The following FARS2 variants were observed in gnomAD, a reference collection of about 807,000 sequenced individuals.
The protein encoded by FARS2 is phenylalanine--tRNA ligase, mitochondrial.
In FARS2, 40 loss-of-function variants were observed where a neutral mutation model predicts 46.4. The observed-to-expected ratio is 0.86, with a 90% CI of 0.67 to 1.12. The LOEUF is 1.12. FARS2 is among the 50% of genes most tolerant of loss of function. FARS2 has a pLI of 0.00. For synonymous variants in FARS2, 234 were observed against 214.9 expected (o/e 1.09, Z -0.78); for missense variants, 513 against 567.9 (o/e 0.90, Z 0.98).
At chr6:5,381,958 G>A (rs1759823896) in intron 2 of FARS2, among the ~76,000 whole-genome samples, 2 of 152,198 alleles carry the variant, frequency 1.3e-5, no homozygotes, top group African/African-American at 4.8e-5. Context: ...CAAAGAGCTG[G>A]TTTCTGTTTA....
chr6:5,719,386 CA>C lies in FARS2; in HGVS notation c.1218-51897del, dbSNP rs1199329165. Among the ~76,000 whole-genome samples the C allele has an allele frequency of 3.0e-4, 4 of 13,208 alleles. No homozygotes were observed. In the East Asian group the frequency reaches 3.7e-3, roughly 12 times the overall value. The allele number at this position is 13,208 out of a possible 152,430, so 8.7% of individuals were successfully genotyped here. A position where few individuals can be genotyped will look rare whatever the true frequency, so the allele number is the denominator to read the frequency against. On this transcript the variant is annotated intron_variant, in intron 6 of 6. Coordinates refer to ENST00000274680, the MANE Select transcript of FARS2 (RefSeq NM_006567.5). ...GACAGAGTGAGGCAAGACCCTGTCT[CA>C]AAAAAAATTAAAAAAAAAAAAAAAG...
intron 5 of FARS2, among the ~76,000 whole-genome samples, chr6:5,586,238 C>T (rs975100311): frequency 1.3e-5 from 2 of 152,062 alleles, no homozygotes; most frequent in African/African-American, 2.4e-5. Flanking sequence ...TGGCTAGCAC[C>T]TCTAGTATTA....
chr6:5,604,401 G>A (rs1774710269), intron 5 of FARS2, among the ~76,000 whole-genome samples: 1 of 152,146 alleles, frequency 6.6e-6, no homozygotes, highest in Non-Finnish European at 1.5e-5. Context: ...AAACTCTGAG[G>A]CAGAGATGAA....
In FARS2 at chr6:5,758,797, C is replaced by T. The variant is rs549827983; in HGVS notation, c.1218-12494C>T. 7.5e-4 allele frequency among the ~76,000 whole-genome samples: 114 copies of T among 152,198 alleles called. 1 individual carries two copies. The highest frequency in any genetic ancestry group is 1.4e-3 in the Non-Finnish European group (94 of 68,022). ...AAAATGGAGTCAATTTAAAGTTGCC[C>T]CCTGAGCCTTAGGGGTTCTGAGGAG... On this transcript the variant is annotated intron_variant, in intron 6 of 6. Transcript: ENST00000274680.
intron 4 of FARS2, among the ~76,000 whole-genome samples, chr6:5,529,348 G>T (rs1477283798): frequency 1.3e-5 from 2 of 151,946 alleles, no homozygotes; most frequent in South Asian, 4.2e-4. Context: ...TCACTCTGTC[G>T]CCTGGCTGCA....
At chr6:5,559,244 C>G (rs1425796881) in intron 5 of FARS2, among the ~76,000 whole-genome samples, 1 of 151,820 alleles carries the variant, frequency 6.6e-6, no homozygotes, top group Non-Finnish European at 1.5e-5. Context: ...CTTTACAGAG[C>G]AAATAAAAAT....
chr6:5,410,149 G>GTTTTTTTTTTTTTTTT (rs1171325752), intron 3 of FARS2, among the ~76,000 whole-genome samples: 2 of 120,538 alleles, frequency 1.7e-5, no homozygotes, highest in African/African-American at 3.5e-5. Context: ...TCGTTTTTGT[G>GTTTTTTTTTTTTTTTT]TTTTTTTGTT....
chr6:5,748,668 A>G (rs1041760906), intron 6 of FARS2, among the ~76,000 whole-genome samples: 7 of 152,266 alleles, frequency 4.6e-5, no homozygotes, highest in African/African-American at 1.7e-4. Flanking sequence ...TCAAAGACAC[A>G]CTACTAGTCA....
intron 1 of FARS2, among the ~76,000 whole-genome samples, chr6:5,309,140 A>G (rs1168416417): frequency 6.6e-6 from 1 of 152,212 alleles, no homozygotes; most frequent in Non-Finnish European, 1.5e-5. Flanking sequence ...TGTACAAGAT[A>G]AACAGTGGGA....
At chr6:5,649,558 C>G (rs1191047411) in intron 6 of FARS2, among the ~76,000 whole-genome samples, 1 of 152,204 alleles carries the variant, frequency 6.6e-6, no homozygotes, top group Admixed American at 6.5e-5. Context: ...GGTGTTCGCC[C>G]TACCTGGCAC....
chr6:5,278,532 C>T (rs2127846771), intron 1 of FARS2, among the ~76,000 whole-genome samples: 1 of 152,150 alleles, frequency 6.6e-6, no homozygotes, highest in African/African-American at 2.4e-5. Context: ...TGAAAGAAGC[C>T]TTATTTTTAT....
intron 4 of FARS2, among the ~76,000 whole-genome samples, chr6:5,502,524 A>G (rs1226175769): frequency 6.6e-6 from 1 of 152,252 alleles, no homozygotes; most frequent in African/African-American, 2.4e-5. Context: ...ACCTGTCAAT[A>G]TTTACCATTC....
At chr6:5,596,994 A>G (rs7765047) in intron 5 of FARS2, among the ~76,000 whole-genome samples, 126,268 of 152,248 alleles carry the variant, frequency 0.83, 52,534 homozygotes, top group African/African-American at 0.89. Context: ...TCAGGTGACA[A>G]TGTGTGAGGT....
At chr6:5,318,113 C>T (rs2127559563) in intron 1 of FARS2, among the ~76,000 whole-genome samples, 1 of 152,188 alleles carries the variant, frequency 6.6e-6, no homozygotes, top group South Asian at 2.1e-4. Flanking sequence ...GTAATCCCAG[C>T]ACTTTGGGAG....
the FARS2 span, among the ~76,000 whole-genome samples, chr6:5,254,153 G>T: frequency 6.6e-6 from 1 of 152,170 alleles, no homozygotes; most frequent in Non-Finnish European, 1.5e-5. Flanking sequence ...AGCCAGCACT[G>T]GTCAACAGAA....
At chr6:5,698,985 C>G (rs1355689031) in intron 6 of FARS2, among the ~76,000 whole-genome samples, 1 of 152,182 alleles carries the variant, frequency 6.6e-6, no homozygotes, top group Non-Finnish European at 1.5e-5. Context: ...CAGGCAATTC[C>G]CCCATGTGCC....
chr6:5,392,925 C>CATATGTGTGTGTATATATT (rs1554175098), intron 2 of FARS2, among the ~76,000 whole-genome samples: 14 of 91,636 alleles, frequency 1.5e-4, no homozygotes, highest in South Asian at 8.2e-4. Context: ...TGTATATATA[C>CATATGTGTGTGTATATATT]ATATATGTGT....
chr6:5,670,892 A>T (rs1388140260), intron 6 of FARS2, among the ~76,000 whole-genome samples: 1 of 152,202 alleles, frequency 6.6e-6, no homozygotes, highest in East Asian at 1.9e-4. Context: ...TTAAGACTGA[A>T]ATCAGGTGGC....
At chr6:5,591,573 G>A (rs1031788862) in intron 5 of FARS2, among the ~76,000 whole-genome samples, 6 of 152,176 alleles carry the variant, frequency 3.9e-5, no homozygotes, top group Admixed American at 1.3e-4. Flanking sequence ...TTTCACATTC[G>A]ACATAAAACT....
Sources: gnomAD v4.1 joint callset for allele counts (sites outside exome capture counted in the v4.1 genomes callset) on GRCh38, gnomAD v4.1.1 for gene constraint, MANE v1.5 for transcripts, NCBI Gene and HGNC (gene_info 2026-07-23, HGNC 2026-07-21) for gene names.